The following TLN2 variants were observed in gnomAD, a reference collection of about 807,000 sequenced individuals.
TLN2 encodes talin 2, also known as talin-2.
Under a neutral mutation model 294.7 loss-of-function variants are expected in TLN2, and 118 were observed. The ratio of observed to expected loss-of-function variants is 0.40; its 90% CI spans 0.34 to 0.47. The LOEUF is 0.47. Ranked by LOEUF, TLN2 falls within the 20% of genes least tolerant of loss-of-function variation. The pLI is 0.84. For missense variants in TLN2, 3,083 were observed against 3,282.2 expected, an observed-to-expected ratio of 0.94 and a Z score of 1.48; for synonymous variants, 1,431 against 1,304.5, an observed-to-expected ratio of 1.10 and a Z score of -2.09.
intron 3 of TLN2, among the ~76,000 whole-genome samples, chr15:62,633,538 C>A (rs1158065448): frequency 6.6e-6 from 1 of 152,198 alleles, no homozygotes; most frequent in Non-Finnish European, 1.5e-5. Flanking sequence ...CTCCTGGACT[C>A]AAGCAATCCT....
intron 43 of TLN2, among the ~76,000 whole-genome samples, chr15:62,778,404 A>G (rs781296465): frequency 3.3e-5 from 5 of 152,250 alleles, no homozygotes; most frequent in Non-Finnish European, 5.9e-5. Flanking sequence ...TAAACCGTGT[A>G]TCTACCTAAG....
At chr15:62,759,064 G>T (rs2062493783) in intron 37 of TLN2, among the ~76,000 whole-genome samples, 1 of 152,212 alleles carries the variant, frequency 6.6e-6, no homozygotes, top group South Asian at 2.1e-4. Flanking sequence ...TTCTGGTGGG[G>T]CCTGGAAATA....
In TLN2 at chr15:62,508,213, T is replaced by A. The variant is rs115304455; in HGVS notation, c.-237-81474T>A. Among the ~76,000 whole-genome samples, 334 of 152,154 alleles carry A rather than the reference T, an allele frequency of 2.2e-3. 5 individuals are homozygous for A. The highest frequency in any genetic ancestry group is 0.017 in the East Asian group (88 of 5,176). On this transcript the variant is annotated intron_variant, in intron 1 of 58. Transcript: ENST00000636159. ...CCCTATAGATGATTTTTTAAAATTA[T>A]TTTATTTATTTATTTATTTAAAGAC...
intron 2 of TLN2, among the ~76,000 whole-genome samples, chr15:62,609,340 A>G (rs1228890805): frequency 2.0e-5 from 3 of 152,198 alleles, no homozygotes; most frequent in Admixed American, 6.5e-5. Context: ...CCACAGTGCA[A>G]TCATCAAAAT....
At chr15:62,562,347 C>G (rs10152360) in intron 1 of TLN2, among the ~76,000 whole-genome samples, 22,511 of 152,004 alleles carry the variant, frequency 0.15, 1,879 homozygotes, top group African/African-American at 0.23. Flanking sequence ...TTGCCTGACA[C>G]CTGGCATCCT....
rs1375358450 is a variant in TLN2 at position 62,690,760 on chromosome 15, C to T, written c.1114-2080C>T. On this transcript the variant is annotated intron_variant, in intron 12 of 58. Transcript: ENST00000636159. The stretch of plus-strand genomic sequence containing the variant: ...GTGAACCAGACTCCGTCTGCAATCC[C>T]GGCACCTCGGGAGGCCGAGGCTGGC... Among the ~76,000 whole-genome samples the T allele has an allele frequency of 4.6e-5, 7 of 150,904 alleles. No individual in the cohort carries two copies. In the East Asian group the frequency reaches 1.2e-3, roughly 25 times the overall value.
chr15:62,511,638 CAG>C (rs1340617143), intron 1 of TLN2, among the ~76,000 whole-genome samples: 2 of 148,726 alleles, frequency 1.3e-5, no homozygotes, highest in Non-Finnish European at 3.0e-5. Flanking sequence ...CTGCCACTGA[CAG>C]AGGGATGTTT....
At chr15:62,447,116 A>G (rs1162815342) in intron 1 of TLN2, among the ~76,000 whole-genome samples, 2 of 152,240 alleles carry the variant, frequency 1.3e-5, no homozygotes, top group African/African-American at 2.4e-5. Context: ...GCATAGCTGC[A>G]TAATCTTTGG....
chr15:62,734,433 C>G (rs2060896127), intron 28 of TLN2, among the ~76,000 whole-genome samples: 1 of 152,180 alleles, frequency 6.6e-6, no homozygotes. Flanking sequence ...AGGCAGCAGT[C>G]TAGACCACAC....
chr15:62,633,351 C>T lies in TLN2; in HGVS notation c.-36-13924C>T, dbSNP rs183629196. Among the ~76,000 whole-genome samples, 287 of 152,332 alleles carry T rather than the reference C, an allele frequency of 1.9e-3. 2 individuals are homozygous for T. Among genetic ancestry groups the T allele is most frequent in the East Asian group, 8.7e-3 (45 of 5,186 alleles). ...TTGCTCTGTTACTCAGGCTGCAGTA[C>T]GGTGATGTGATCATAGCTCACTACA... is the stretch of plus-strand genomic sequence containing the variant. On this transcript the variant is annotated intron_variant, in intron 3 of 58. Coordinates refer to ENST00000636159, the MANE Select transcript of TLN2 (RefSeq NM_015059.3).
At chr15:62,566,901 C>T (rs765790046) in intron 1 of TLN2, among the ~76,000 whole-genome samples, 2 of 151,844 alleles carry the variant, frequency 1.3e-5, no homozygotes, top group African/African-American at 4.8e-5. Flanking sequence ...GTCATTGTAA[C>T]CCTTATTTCT....
At chr15:62,772,742 A>C (rs778352612) in intron 42 of TLN2, among the ~76,000 whole-genome samples, 10 of 151,476 alleles carry the variant, frequency 6.6e-5, no homozygotes, top group Admixed American at 2.6e-4. Flanking sequence ...GGCTCACTGC[A>C]ACCTCCGCGT....
intron 1 of TLN2, among the ~76,000 whole-genome samples, chr15:62,542,359 T>C (rs1266501618): frequency 2.7e-5 from 1 of 37,464 alleles, no homozygotes; most frequent in East Asian, 9.6e-4. Flanking sequence ...ACCTGGCTGA[T>C]TTTGTATTTT....
At chr15:62,767,028 C>T (rs921433316) in intron 41 of TLN2, among the ~76,000 whole-genome samples, 5 of 152,156 alleles carry the variant, frequency 3.3e-5, no homozygotes, top group African/African-American at 1.2e-4. Flanking sequence ...GCTTGTTATG[C>T]AGCCTGTGCC....
intron 1 of TLN2, among the ~76,000 whole-genome samples, chr15:62,487,601 G>T (rs534306177): frequency 6.6e-6 from 1 of 152,240 alleles, no homozygotes; most frequent in African/African-American, 2.4e-5. Flanking sequence ...TGGTGGCCGA[G>T]GTGGGAAGCT....
intron 1 of TLN2, among the ~76,000 whole-genome samples, chr15:62,452,081 G>A (rs1318633087): frequency 2.0e-5 from 3 of 152,130 alleles, no homozygotes; most frequent in African/African-American, 7.2e-5. Flanking sequence ...TGCCTGTGGG[G>A]TTCTGGTCCT....
At chr15:62,694,093 G>A (rs2058145580) in intron 13 of TLN2, among the ~76,000 whole-genome samples, 1 of 151,034 alleles carries the variant, frequency 6.6e-6, no homozygotes, top group Non-Finnish European at 1.5e-5. Flanking sequence ...TCAGCTTCCG[G>A]TGTAGCTGGG....
At chr15:62,393,674 A>G in intron 1 of TLN2, among the ~76,000 whole-genome samples, 1 of 152,282 alleles carries the variant, frequency 6.6e-6, no homozygotes, top group Middle Eastern at 3.4e-3. Flanking sequence ...CTTTGTAACT[A>G]TGTATATGCC....
At chr15:62,511,759 A>G (rs777379863) in intron 1 of TLN2, among the ~76,000 whole-genome samples, 1 of 152,202 alleles carries the variant, frequency 6.6e-6, no homozygotes, top group Non-Finnish European at 1.5e-5. Flanking sequence ...CTAACTCAGG[A>G]TGAGATCATT....
Sources: allele counts gnomAD v4.1 joint callset (sites outside exome capture counted in the v4.1 genomes callset), GRCh38; gene constraint gnomAD v4.1.1; transcripts MANE v1.5; gene names NCBI Gene and HGNC (gene_info 2026-07-23, HGNC 2026-07-21).